GMDS: variants seen among roughly 807,000 people sequenced by gnomAD.
GMDS encodes the protein GDP-mannose 4,6-dehydratase.
GMDS carries 20 observed loss-of-function variants against 49.9 expected under a neutral mutation model. The ratio of observed to expected loss-of-function variants is 0.40; its 90% CI spans 0.28 to 0.58. The LOEUF is 0.58. Ranked by LOEUF, GMDS falls within the 20% of genes least tolerant of loss-of-function variation. The pLI, the probability that GMDS is intolerant of heterozygous loss-of-function variation, is 0.42. For synonymous variants in GMDS, 177 were observed against 178.6 expected, an observed-to-expected ratio of 0.99 and a Z score of 0.07; for missense variants, 362 against 481.4, an observed-to-expected ratio of 0.75 and a Z score of 2.32.
intron 4 of GMDS, among the ~76,000 whole-genome samples, chr6:2,083,829 C>T (rs1421858362): frequency 6.6e-6 from 1 of 152,158 alleles, no homozygotes. Context: ...GACAGATATA[C>T]TCAAGTGGAG....
chr6:1,942,100 C>T (rs1762851503), intron 6 of GMDS, among the ~76,000 whole-genome samples: 1 of 152,174 alleles, frequency 6.6e-6, no homozygotes, highest in African/African-American at 2.4e-5. Flanking sequence ...TCCTCCTGTT[C>T]ACCTCAGGAG....
chr6:1,894,363 ATTTAT>A (rs2113846638), intron 7 of GMDS, among the ~76,000 whole-genome samples: 2 of 152,318 alleles, frequency 1.3e-5, no homozygotes, highest in South Asian at 4.1e-4. Flanking sequence ...TGTTATAGGT[ATTTAT>A]TTTATGTTTT....
At chr6:2,043,271 C>G (rs1262888887) in intron 4 of GMDS, 2 of 152,274 alleles carry the variant, frequency 1.3e-5, no homozygotes, top group Non-Finnish European at 2.9e-5. Flanking sequence ...TTTCCTGTCC[C>G]TTAACAGGGC....
intron 9 of GMDS, among the ~76,000 whole-genome samples, chr6:1,658,566 A>G (rs1020632495): frequency 6.6e-6 from 1 of 152,270 alleles, no homozygotes; most frequent in African/African-American, 2.4e-5. Context: ...AAGAAACATC[A>G]GTCTTTCTGA....
At chr6:1,928,786 T>C (rs1021687618) in intron 7 of GMDS, among the ~76,000 whole-genome samples, 2 of 152,020 alleles carry the variant, frequency 1.3e-5, no homozygotes, top group Non-Finnish European at 2.9e-5. Context: ...CTGGTCAAAA[T>C]GGTGAAACCC....
Position 2,042,615 on chromosome 6 carries a change from T to G in GMDS, c.345+73156A>C, listed in dbSNP as rs4959629. On this transcript the variant is annotated intron_variant, in intron 4 of 10. Transcript: ENST00000380815. ...ATTTAAAAAGTTGTAGCTTAAAAAA[T>G]TTTTTTTAAGTTGTGGCTTAGTACC... Among the ~76,000 whole-genome samples the G allele has an allele frequency of 8.6e-4, 131 of 151,928 alleles. 2 individuals carry two copies. The highest frequency in any genetic ancestry group is 3.0e-3 in the African/African-American group (124 of 41,406).
At chr6:1,783,242 T>TTAACACCAAACCTC (rs1234879628) in intron 7 of GMDS, among the ~76,000 whole-genome samples, 1 of 152,148 alleles carries the variant, frequency 6.6e-6, no homozygotes, top group Non-Finnish European at 1.5e-5. Context: ...AACAAGTTAT[T>TTAACACCAAACCTC]TAACACCAAA....
intron 1 of GMDS, among the ~76,000 whole-genome samples, chr6:2,232,407 G>C (rs113581493): frequency 1.1e-4 from 16 of 152,142 alleles, no homozygotes; most frequent in African/African-American, 3.1e-4. Context: ...AACAATCTTT[G>C]TTTGTCAGCA....
Position 1,624,016 on chromosome 6 carries a change from C to A in GMDS, c.*153G>T. 3.1e-6 allele frequency: 2 copies of A among 638,124 alleles called. No homozygotes were observed. The highest frequency in any genetic ancestry group is 2.7e-6 in the Non-Finnish European group (1 of 373,708). The allele number at this position is 638,124 out of a possible 1,614,324, so 39.5% of individuals were successfully genotyped here. On this transcript the variant is annotated 3_prime_UTR_variant, in exon 11 of 11. Transcript: ENST00000380815. ...CCGGCTGCTACAAACCTCGGCGGGG[C>A]GGCCCCGCTCTTGCGGCCGGGACAG...
At chr6:1,994,276 C>A (rs1302762500) in intron 4 of GMDS, among the ~76,000 whole-genome samples, 1 of 152,158 alleles carries the variant, frequency 6.6e-6, no homozygotes, top group African/African-American at 2.4e-5. Flanking sequence ...ATTCTCTCAA[C>A]CAAAACAAAT....
At chr6:2,140,760 C>T (rs1046379011) in intron 1 of GMDS, among the ~76,000 whole-genome samples, 3 of 152,142 alleles carry the variant, frequency 2.0e-5, no homozygotes, top group East Asian at 1.9e-4. Flanking sequence ...CAAAAACGAT[C>T]GAAGGTTTTT....
At position 1,648,668 on chromosome 6, in the gene GMDS, A is replaced by G. The variant is rs1383554651; in HGVS notation, c.988-24128T>C. Among the ~76,000 whole-genome samples, 7 of 152,268 alleles carry G rather than the reference A, an allele frequency of 4.6e-5. No individual in the cohort carries two copies. The South Asian group carries it at 6.2e-4, about 13-fold the overall frequency. On this transcript the variant is annotated intron_variant, in intron 9 of 10. Transcript: ENST00000380815. Reference sequence around the variant, plus strand: ...GAGAACTGTCAGATCCGTTAGTTTCATAATACTTTAATCATACATTGTCTA... The same window carrying G: ...GAGAACTGTCAGATCCGTTAGTTTCGTAATACTTTAATCATACATTGTCTA...
chr6:2,001,016 T>C (rs906844689), intron 4 of GMDS, among the ~76,000 whole-genome samples: 1 of 152,202 alleles, frequency 6.6e-6, no homozygotes, highest in Non-Finnish European at 1.5e-5. Flanking sequence ...TAGAGTAGAA[T>C]TGCTAGATCA....
chr6:2,147,246 T>C (rs1776600917), intron 1 of GMDS, among the ~76,000 whole-genome samples: 1 of 152,192 alleles, frequency 6.6e-6, no homozygotes, highest in Admixed American at 6.5e-5. Context: ...TTGGCCAAAA[T>C]GCAAGAGCGA....
chr6:2,215,625 T>C (rs995260506), intron 1 of GMDS, among the ~76,000 whole-genome samples: 1 of 145,976 alleles, frequency 6.9e-6, no homozygotes, highest in Non-Finnish European at 1.5e-5. Flanking sequence ...AAAGAGACAG[T>C]AGAGAGGGAG....
chr6:1,748,185 C>T (rs932488945), intron 7 of GMDS, among the ~76,000 whole-genome samples: 5 of 152,150 alleles, frequency 3.3e-5, no homozygotes, highest in Non-Finnish European at 2.9e-5. Flanking sequence ...AATATAAAAT[C>T]GAACAGCTCC....
chr6:1,988,542 A>G (rs1765710470), intron 4 of GMDS, among the ~76,000 whole-genome samples: 1 of 151,956 alleles, frequency 6.6e-6, no homozygotes, highest in African/African-American at 2.4e-5. Flanking sequence ...GCTCACCCCA[A>G]CTGCACGTTC....
rs529061456 is a variant in GMDS at position 1,863,720 on chromosome 6, ATG to A, written c.771+66381_771+66382del. Among the ~76,000 whole-genome samples the A allele has an allele frequency of 9.8e-5, 15 of 152,304 alleles. No individual in the cohort carries two copies. The South Asian group carries it at 3.1e-3, about 32-fold the overall frequency. Reference sequence around the variant, plus strand: ...AGATCACACCGGAACATCATAATATATGTGTCTGAAGAGTATAGTAGTTTGAT... The same window carrying A: ...AGATCACACCGGAACATCATAATATATGTCTGAAGAGTATAGTAGTTTGAT... On this transcript the variant is annotated intron_variant, in intron 7 of 10. Transcript: ENST00000380815.
intron 6 of GMDS, among the ~76,000 whole-genome samples, chr6:1,954,649 A>G (rs1763533419): frequency 6.6e-6 from 1 of 152,248 alleles, no homozygotes; most frequent in Non-Finnish European, 1.5e-5. Flanking sequence ...TTGTTGATCC[A>G]TAAGAAGCAG....
Sources: allele counts gnomAD v4.1 joint callset (sites outside exome capture counted in the v4.1 genomes callset), GRCh38; gene constraint gnomAD v4.1.1; transcripts MANE v1.5; gene names NCBI Gene and HGNC (gene_info 2026-07-23, HGNC 2026-07-21).